Variants in LOC112694756 observed in about 807,000 individuals in gnomAD.
At chr16:30,067,601 G>A in the LOC112694756 span, 55 of 1,613,982 alleles carry the variant, frequency 3.4e-5, no homozygotes, top group Admixed American at 7.0e-4. Flanking sequence ...ACCAGAAGGC[G>A]GATGATGGGC....
the LOC112694756 span, among the ~76,000 whole-genome samples, chr16:30,061,518 C>CA: frequency 6.8e-6 from 1 of 146,030 alleles, no homozygotes; most frequent in African/African-American, 2.5e-5. Flanking sequence ...CCATTCCCAT[C>CA]ACTTGCCTCT....
the LOC112694756 span, chr16:30,068,667 C>G: frequency 6.2e-7 from 1 of 1,614,218 alleles, no homozygotes; most frequent in East Asian, 2.2e-5. Context: ...CGTGGTCCCC[C>G]TGGCAGGGAC....
At chr16:30,067,814 C>T in the LOC112694756 span, 2 of 826,818 alleles carry the variant, frequency 2.4e-6, no homozygotes, top group East Asian at 2.6e-5. Flanking sequence ...ATTTTTAATC[C>T]TCACAATTCT....
the LOC112694756 span, chr16:30,064,735 G>C: frequency 5.9e-6 from 2 of 341,460 alleles, no homozygotes; most frequent in Non-Finnish European, 1.0e-5. Flanking sequence ...GGAACCCCTA[G>C]CTCACTCGCT....
the LOC112694756 span, among the ~76,000 whole-genome samples, chr16:30,062,072 G>A: frequency 5.9e-5 from 9 of 151,512 alleles, no homozygotes; most frequent in South Asian, 4.2e-4. Context: ...GTGTAGTGGC[G>A]GGCGCCTGTA....
At chr16:30,057,683 T>C in the LOC112694756 span, among the ~76,000 whole-genome samples, 117 of 152,222 alleles carry the variant, frequency 7.7e-4, no homozygotes, top group African/African-American at 2.7e-3. Flanking sequence ...TTTCAGATAA[T>C]CACCTTCTGG....
the LOC112694756 span, chr16:30,054,858 C>A: frequency 7.5e-6 from 3 of 399,442 alleles, no homozygotes; most frequent in Non-Finnish European, 1.3e-5. Context: ...TCCCTGCCAT[C>A]GTCTTCATCG....
chr16:30,070,283 C>G, the LOC112694756 span: 2 of 1,462,798 alleles, frequency 1.4e-6, no homozygotes, highest in Non-Finnish European at 1.9e-6. Flanking sequence ...AGGAGGCCGC[C>G]TCCTCGGGGC....
the LOC112694756 span, chr16:30,067,273 G>C: frequency 6.2e-7 from 1 of 1,612,446 alleles, no homozygotes; most frequent in Non-Finnish European, 8.5e-7. Flanking sequence ...CCAATATCCA[G>C]CACTGACCCC....
the LOC112694756 span, among the ~76,000 whole-genome samples, chr16:30,066,401 A>G: frequency 6.6e-6 from 1 of 152,164 alleles, no homozygotes; most frequent in Non-Finnish European, 1.5e-5. Context: ...GGCGACCTTG[A>G]TTCTGAGCCC....
the LOC112694756 span, chr16:30,053,202 C>G: frequency 6.6e-6 from 1 of 152,420 alleles, no homozygotes; most frequent in Non-Finnish European, 1.5e-5. Context: ...GAATTGCCCG[C>G]GGCCCGAGGG....
chr16:30,065,174 C>T, the LOC112694756 span, among the ~76,000 whole-genome samples: 3 of 152,216 alleles, frequency 2.0e-5, no homozygotes, highest in Admixed American at 1.3e-4. Flanking sequence ...CTAGTTCCGC[C>T]GCCTTCTCGC....
chr16:30,069,529 G>A, the LOC112694756 span: 7 of 1,614,084 alleles, frequency 4.3e-6, no homozygotes, highest in Non-Finnish European at 5.1e-6. Flanking sequence ...GGCTCTGAGT[G>A]ACCACCACAT....
At chr16:30,063,516 C>T in the LOC112694756 span, among the ~76,000 whole-genome samples, 1 of 152,142 alleles carries the variant, frequency 6.6e-6, no homozygotes, top group Non-Finnish European at 1.5e-5. Flanking sequence ...TGAATCATTG[C>T]TTCTAGCTTC....
chr16:30,069,643 C>T, the LOC112694756 span: 1 of 1,613,854 alleles, frequency 6.2e-7, no homozygotes, highest in South Asian at 1.1e-5. Flanking sequence ...CGTCACAGCG[C>T]TGCGCCGCAC....
the LOC112694756 span, chr16:30,064,010 C>T: frequency 2.5e-6 from 1 of 398,806 alleles, no homozygotes; most frequent in Non-Finnish European, 4.4e-6. Context: ...CAGGGCAGGA[C>T]TCTTGGCCGG....
the LOC112694756 span, chr16:30,054,684 C>T: frequency 2.5e-6 from 1 of 398,426 alleles, no homozygotes; most frequent in African/African-American, 2.1e-5. Flanking sequence ...CATCTGGTGG[C>T]CGTTCCTCTC....
the LOC112694756 span, among the ~76,000 whole-genome samples, chr16:30,062,514 G>A: frequency 7.2e-6 from 1 of 139,508 alleles, no homozygotes; most frequent in African/African-American, 2.7e-5. Flanking sequence ...CCTGGCAACA[G>A]AGCGAGACTC....
At chr16:30,067,757 T>G in the LOC112694756 span, 1 of 1,442,698 alleles carries the variant, frequency 6.9e-7, no homozygotes, top group Non-Finnish European at 9.7e-7. Flanking sequence ...ATTGGTGGCC[T>G]AGAGACTTGC....
Sources: allele counts gnomAD v4.1 joint callset (sites outside exome capture counted in the v4.1 genomes callset), GRCh38; gene constraint gnomAD v4.1.1; transcripts MANE v1.5.